The following MBNL3 variants were observed in gnomAD, a reference collection of about 807,000 sequenced individuals.
The protein encoded by MBNL3 is muscleblind like splicing regulator 3.
In MBNL3, 6 loss-of-function variants were observed where a neutral mutation model predicts 24.5. The observed-to-expected ratio is 0.25, with a 90% CI of 0.13 to 0.48. The LOEUF is 0.48. Among genes scored for constraint, MBNL3 ranks in the 20% least tolerant of loss-of-function variants. MBNL3 has a pLI of 0.99. For missense variants in MBNL3, 230 were observed against 293.5 expected (o/e 0.78, Z 1.58); for synonymous variants, 100 against 101.7 (o/e 0.98, Z 0.10).
chrX:132,409,286 T>C (rs892212532), intron 2 of MBNL3, among the ~76,000 whole-genome samples: 3 of 112,059 alleles, frequency 2.7e-5, no homozygotes, highest in Non-Finnish European at 5.6e-5. Flanking sequence ...TTTTAATCCT[T>C]GTATAGAATT....
chrX:132,449,977 G>GC (rs59387058), intron 1 of MBNL3, among the ~76,000 whole-genome samples: 16 of 25,462 alleles, frequency 6.3e-4, no homozygotes, highest in African/African-American at 1.1e-3. Context: ...GCTGAATATT[G>GC]CCCCCCCCCC....
At chrX:132,454,296 C>A (rs763338004) in intron 1 of MBNL3, among the ~76,000 whole-genome samples, 1 of 111,242 alleles carries the variant, frequency 9.0e-6, no homozygotes, top group African/African-American at 3.3e-5. Flanking sequence ...TTTATTCATC[C>A]TTTAATTATA....
chrX:132,381,442 T>TA, intron 8 of MBNL3: 1 of 1,059,559 alleles, frequency 9.4e-7, no homozygotes, highest in Admixed American at 2.6e-5. Flanking sequence ...TCTATAGTAG[T>TA]AAAAAAGATT....
chrX:132,408,118 TTTTTTTTTTTTTTTTTTTTTTTTTTTTA>T (rs1942147020), intron 2 of MBNL3, among the ~76,000 whole-genome samples: 5 of 49,044 alleles, frequency 1.0e-4, no homozygotes, highest in African/African-American at 1.4e-4. Context: ...TTTTTTTTTT[TTTTTTTTTTTTTTTTTTTTTTTTTTTTA>T]CCAATTGCAG....
At chrX:132,432,248 G>A (rs1281168422) in intron 2 of MBNL3, 2 of 111,541 alleles carry the variant, frequency 1.8e-5, no homozygotes, top group Admixed American at 9.5e-5. Flanking sequence ...GGGGAAAAGA[G>A]ATGAGGGGAA....
At chrX:132,452,295 A>T (rs1329875004) in intron 1 of MBNL3, among the ~76,000 whole-genome samples, 1 of 112,486 alleles carries the variant, frequency 8.9e-6, no homozygotes, top group Non-Finnish European at 1.9e-5. Flanking sequence ...TTTCACCAAA[A>T]ACTGGATTTC....
intron 2 of MBNL3, among the ~76,000 whole-genome samples, chrX:132,436,203 C>T (rs922875145): frequency 9.0e-6 from 1 of 111,525 alleles, no homozygotes; most frequent in South Asian, 3.8e-4. Context: ...AGCTGCATAC[C>T]AACATGATAT....
At chrX:132,420,395 G>A (rs1174890948) in intron 2 of MBNL3, among the ~76,000 whole-genome samples, 1 of 110,847 alleles carries the variant, frequency 9.0e-6, no homozygotes, top group African/African-American at 3.3e-5. Context: ...AGCTCAGGCC[G>A]TAACAAACAT....
chrX:132,489,862 GC>G (rs1327660495), upstream of MBNL3: 1 of 111,386 alleles, frequency 9.0e-6, no homozygotes, highest in Non-Finnish European at 1.9e-5. Context: ...GCCAAGGGCC[GC>G]CCCGGCTCCC....
chrX:132,475,657 G>A (rs1460331276), intron 1 of MBNL3, among the ~76,000 whole-genome samples: 3 of 112,006 alleles, frequency 2.7e-5, no homozygotes, highest in African/African-American at 6.5e-5. Context: ...ATTACAGGAC[G>A]TTTTTATTGG....
chrX:132,448,271 C>T (rs1464804005), intron 1 of MBNL3, among the ~76,000 whole-genome samples: 1 of 111,684 alleles, frequency 9.0e-6, no homozygotes, highest in Non-Finnish European at 1.9e-5. Context: ...TTCATCTGGT[C>T]CTGGGCTTTT....
At chrX:132,420,421 G>A (rs1470282403) in intron 2 of MBNL3, among the ~76,000 whole-genome samples, 1 of 111,001 alleles carries the variant, frequency 9.0e-6, no homozygotes, top group Non-Finnish European at 1.9e-5. Flanking sequence ...AGAAGAGTGT[G>A]CAGTAGCAAG....
At chrX:132,388,833 C>T (rs1188156679) in intron 5 of MBNL3, among the ~76,000 whole-genome samples, 1 of 111,024 alleles carries the variant, frequency 9.0e-6, no homozygotes, top group Non-Finnish European at 1.9e-5. Context: ...AAAGCATGTC[C>T]ACTATGAATC....
At chrX:132,387,053 G>A (rs765900646) in intron 5 of MBNL3, among the ~76,000 whole-genome samples, 3 of 109,902 alleles carry the variant, frequency 2.7e-5, no homozygotes, top group Admixed American at 9.8e-5. Flanking sequence ...CCAGCAGATT[G>A]TTTGAGCTTA....
intron 2 of MBNL3, 123 bp downstream of exon 2, chrX:132,439,312 G>T: frequency 2.5e-6 from 2 of 795,071 alleles, no homozygotes; most frequent in Non-Finnish European, 3.4e-6. Flanking sequence ...CTGTTTTTTT[G>T]TTAAAAAAAC....
chrX:132,413,818 C>A lies in MBNL3; in HGVS notation c.178-7426G>T, dbSNP rs1019824403. On this transcript the variant is annotated intron_variant, in intron 2 of 8. Coordinates refer to ENST00000370853, the MANE Select transcript of MBNL3 (RefSeq NM_001386889.1). Reference sequence around the variant, plus strand: ...GACCAATACCTGCCTAAACCCGTAACTCCGAATTTACAGAACAGATTTTTG... The same window carrying A: ...GACCAATACCTGCCTAAACCCGTAAATCCGAATTTACAGAACAGATTTTTG... Among the ~76,000 whole-genome samples the A allele has an allele frequency of 2.7e-5, 3 of 111,655 alleles. No homozygotes were observed. The Admixed American group carries it at 2.8e-4, about 11-fold the overall frequency.
chrX:132,447,565 A>G (rs769829119), intron 1 of MBNL3, among the ~76,000 whole-genome samples: 1 of 111,528 alleles, frequency 9.0e-6, no homozygotes, highest in Admixed American at 9.5e-5. Context: ...TCTGTTATTG[A>G]TGGATAGGAA....
intron 3 of MBNL3, among the ~76,000 whole-genome samples, chrX:132,400,015 T>C (rs1247596618): frequency 9.1e-6 from 1 of 109,305 alleles, no homozygotes; most frequent in Non-Finnish European, 1.9e-5. Context: ...ATAGAGGAGG[T>C]TACATGTAAT....
intron 1 of MBNL3, among the ~76,000 whole-genome samples, chrX:132,448,079 C>A (rs1945832935): frequency 8.9e-6 from 1 of 112,100 alleles, no homozygotes; most frequent in African/African-American, 3.2e-5. Context: ...GTTGAAATAG[C>A]CTTGCATCCC....
Sources: gnomAD v4.1 joint callset for allele counts (sites outside exome capture counted in the v4.1 genomes callset) on GRCh38, gnomAD v4.1.1 for gene constraint, MANE v1.5 for transcripts, NCBI Gene and HGNC (gene_info 2026-07-23, HGNC 2026-07-21) for gene names.